The following CD160 variants were observed in gnomAD, a reference collection of about 807,000 sequenced individuals.
CD160 encodes the protein CD160 molecule.
Under a neutral mutation model 19.2 loss-of-function variants are expected in CD160, and 11 were observed. The ratio of observed to expected loss-of-function variants is 0.57; its 90% CI spans 0.36 to 0.95. The LOEUF is 0.95. Among genes scored for constraint, CD160 ranks in the 40% least tolerant of loss-of-function variants. The pLI is 0.01. For synonymous variants in CD160, 75 were observed against 81.1 expected (o/e 0.93, Z 0.40); for missense variants, 182 against 213.2 (o/e 0.85, Z 0.91).
rs1366211644 is a variant in CD160 at position 145,722,474 on chromosome 1, C to T, written c.-178-2327C>T. Among the ~76,000 whole-genome samples, 8 of 152,204 alleles carry T rather than the reference C, an allele frequency of 5.3e-5. No individual in the cohort carries two copies. In the East Asian group the frequency reaches 9.6e-4, roughly 18 times the overall value. On this transcript the variant is annotated intron_variant, in intron 1 of 5. Transcript: ENST00000369288. ...TCTCTCTGTGCCCCATGGTGTCTGA[C>T]ACATTATAGATGCTCCGTGTTTCTG...
chr1:145,728,080 G>A (rs587734510), intron 2 of CD160, among the ~76,000 whole-genome samples, 176 bp from the exon 3 acceptor site: 1 of 151,928 alleles, frequency 6.6e-6, no homozygotes, highest in Non-Finnish European at 1.5e-5. Context: ...CTCCCTCCCC[G>A]GCTCCCAGTG....
chr1:145,729,141 A>G (rs182038350), intron 3 of CD160, among the ~76,000 whole-genome samples: 124 of 152,298 alleles, frequency 8.1e-4, no homozygotes, highest in African/African-American at 2.9e-3. Flanking sequence ...TAGAAATAAA[A>G]TATAAACCAT....
intron 4 of CD160, among the ~76,000 whole-genome samples, chr1:145,734,592 C>G (rs587701661): frequency 6.6e-6 from 1 of 152,314 alleles, no homozygotes; most frequent in South Asian, 2.1e-4. Flanking sequence ...CAGCGCTATG[C>G]CTTGGAGAAC....
intron 1 of CD160, among the ~76,000 whole-genome samples, chr1:145,721,520 A>G (rs1364256061): frequency 2.0e-5 from 3 of 152,016 alleles, no homozygotes; most frequent in Non-Finnish European, 4.4e-5. Context: ...GGCCCTAGGC[A>G]CCGCGAAGTC....
chr1:145,734,089 C>G (rs1431707835), intron 4 of CD160, among the ~76,000 whole-genome samples: 1 of 152,156 alleles, frequency 6.6e-6, no homozygotes, highest in African/African-American at 2.4e-5. Context: ...TTACTAAGTA[C>G]TGCTGTTCTT....
intron 3 of CD160, 101 bp downstream of exon 3, chr1:145,728,501 C>A: frequency 3.4e-6 from 1 of 292,986 alleles, no homozygotes; most frequent in Non-Finnish European, 6.0e-6. Context: ...ACAAAGGACT[C>A]TTTTTTTTTT....
At chr1:145,727,302 T>C (rs1347675581) in intron 2 of CD160, among the ~76,000 whole-genome samples, 7 of 151,586 alleles carry the variant, frequency 4.6e-5, no homozygotes, top group African/African-American at 1.7e-4. Flanking sequence ...CTTTTAATAA[T>C]ATATAATATT....
intron 1 of CD160, among the ~76,000 whole-genome samples, chr1:145,723,393 T>G (rs1656927342): frequency 6.6e-6 from 1 of 152,176 alleles, no homozygotes; most frequent in East Asian, 1.9e-4. Context: ...TCTACCATAT[T>G]TTCTGACTAA....
chr1:145,722,796 G>C (rs1248132849), intron 1 of CD160, among the ~76,000 whole-genome samples: 1 of 151,892 alleles, frequency 6.6e-6, no homozygotes, highest in Non-Finnish European at 1.5e-5. Context: ...GGGTTTCACC[G>C]TGTTAGCCAG....
Position 145,730,750 on chromosome 1 carries a change from T to C in CD160, c.80T>C (p.Ile27Thr), listed in dbSNP as rs781880423. The change falls in exon 4 of 6, where the codon ATT becomes ACT. Residue 27 changes from isoleucine (I) to threonine (T), a missense_variant. By Grantham distance (89) the Ile-to-Thr change is moderately conservative. Transcript: ENST00000369288. The part of the protein sequence containing the change: ...AIVDIQSGGC[I>T]NITSSASQEG... ...TCTTCCCTTTCCATTCCAGGATGCATTAACATCACCAGCTCAGCTTCCCAG... is the reference window on the plus strand; with the variant it reads ...TCTTCCCTTTCCATTCCAGGATGCACTAACATCACCAGCTCAGCTTCCCAG... 6.2e-7 allele frequency: 1 copy of C among 1,611,782 alleles called. No homozygotes were observed. Among genetic ancestry groups the C allele is most frequent in the South Asian group, 1.1e-5 (1 of 91,064 alleles).
At chr1:145,727,530 C>A in intron 2 of CD160, among the ~76,000 whole-genome samples, 1 of 151,924 alleles carries the variant, frequency 6.6e-6, no homozygotes, top group East Asian at 1.9e-4. Context: ...GAAACCCAGA[C>A]AACTTAAAGG....
At chr1:145,721,163 C>G (rs1656828430) in intron 1 of CD160, among the ~76,000 whole-genome samples, 1 of 152,206 alleles carries the variant, frequency 6.6e-6, no homozygotes. Flanking sequence ...GTACATGCTG[C>G]GTCCCCAGGA....
chr1:145,725,862 GAAGT>G (rs1553708315), intron 2 of CD160, among the ~76,000 whole-genome samples: 1 of 152,014 alleles, frequency 6.6e-6, no homozygotes, highest in East Asian at 1.9e-4. Flanking sequence ...AATAGAAAAG[GAAGT>G]AATTATCATT....
Position 145,728,320 on chromosome 1 carries a change from C to T in CD160, c.-8C>T, listed in dbSNP as rs180825089. On this transcript the variant is annotated 5_prime_UTR_variant, in exon 3 of 6. Coordinates refer to ENST00000369288, the MANE Select transcript of CD160 (RefSeq NM_007053.4). ...TTCAAGTTCCTGGGCCTGCTGACAG[C>T]GTGCAGGATGCTGTTGGAACCCGGC... 77 of 1,608,780 alleles carry T rather than the reference C, an allele frequency of 4.8e-5. No individual in the cohort carries two copies. In the African/African-American group the frequency reaches 8.0e-4, roughly 17 times the overall value.
At chr1:145,735,630 T>A (rs868921666) in intron 4 of CD160, among the ~76,000 whole-genome samples, 1 of 151,908 alleles carries the variant, frequency 6.6e-6, no homozygotes, top group Non-Finnish European at 1.5e-5. Context: ...AAAACCCAGA[T>A]CTATTCCAAA....
At chr1:145,738,151 TA>T (rs1429944158) in intron 5 of CD160, 2 of 185,686 alleles carry the variant, frequency 1.1e-5, no homozygotes, top group African/African-American at 4.7e-5. Context: ...ATCCTTGTCT[TA>T]CCACTGTGCC....
At chr1:145,730,001 T>C (rs1422066589) in intron 3 of CD160, among the ~76,000 whole-genome samples, 2 of 152,206 alleles carry the variant, frequency 1.3e-5, no homozygotes, top group African/African-American at 4.8e-5. Context: ...TGTAACTTTT[T>C]GCTAATTTGT....
At chr1:145,730,481 G>C (rs1470535360) in intron 3 of CD160, among the ~76,000 whole-genome samples, 1 of 152,134 alleles carries the variant, frequency 6.6e-6, no homozygotes, top group East Asian at 1.9e-4. Context: ...ATAAACCTAT[G>C]AATTAATGGA....
chr1:145,738,400 T>C, intron 5 of CD160, 86 bp from the exon 6 acceptor site: 5 of 887,254 alleles, frequency 5.6e-6, no homozygotes, highest in Non-Finnish European at 7.9e-6. Flanking sequence ...CACGCACGCA[T>C]CTCAGGACAG....
Sources: allele counts gnomAD v4.1 joint callset (sites outside exome capture counted in the v4.1 genomes callset), GRCh38; gene constraint gnomAD v4.1.1; transcripts MANE v1.5; gene names NCBI Gene and HGNC (gene_info 2026-07-23, HGNC 2026-07-21).